NBAS: variants seen among roughly 807,000 people sequenced by gnomAD.
The protein encoded by NBAS is NBAS subunit of NRZ tethering complex.
NBAS carries 219 observed loss-of-function variants against 302.5 expected under a neutral mutation model. The observed-to-expected ratio is 0.72, with a 90% CI of 0.65 to 0.81. NBAS has a LOEUF of 0.81. NBAS is among the 30% of genes least tolerant of loss of function. The pLI is 0.00. For missense variants in NBAS, 2,932 were observed against 2,841.6 expected, an observed-to-expected ratio of 1.03 and a Z score of -0.72; for synonymous variants, 1,118 against 1,021.6, an observed-to-expected ratio of 1.09 and a Z score of -1.80.
the NBAS span, among the ~76,000 whole-genome samples, chr2:14,998,868 T>C: frequency 6.6e-6 from 1 of 152,194 alleles, no homozygotes; most frequent in Admixed American, 6.5e-5. Flanking sequence ...TGAGTTTCAT[T>C]TCCAATGAGC....
At chr2:15,497,277 T>C (rs1275105921) in intron 11 of NBAS, among the ~76,000 whole-genome samples, 2 of 152,218 alleles carry the variant, frequency 1.3e-5, no homozygotes, top group Non-Finnish European at 2.9e-5. Context: ...GCTTATCTGA[T>C]TTACATTTTT....
chr2:15,280,944 G>A lies in NBAS; in HGVS notation c.5139-3843C>T, dbSNP rs531116534. On this transcript the variant is annotated intron_variant, in intron 42 of 51. Coordinates refer to ENST00000281513, the MANE Select transcript of NBAS (RefSeq NM_015909.4). ...ATAATGCAGCCTGACAGCTGAATACGTGATTTCTCAAGGAAAACGTGGTCA... is the reference window on the plus strand; with the variant it reads ...ATAATGCAGCCTGACAGCTGAATACATGATTTCTCAAGGAAAACGTGGTCA... Among the ~76,000 whole-genome samples the A allele has an allele frequency of 3.9e-4, 59 of 152,276 alleles. 1 individual carries two copies. Among genetic ancestry groups the A allele is most frequent in the African/African-American group, 1.4e-3 (57 of 41,550 alleles).
At chr2:14,813,123 A>G in the NBAS span, among the ~76,000 whole-genome samples, 1 of 152,210 alleles carries the variant, frequency 6.6e-6, no homozygotes, top group African/African-American at 2.4e-5. Flanking sequence ...ACCTCTTCAT[A>G]AATTACCTAA....
chr2:14,838,622 T>C, the NBAS span, among the ~76,000 whole-genome samples: 1 of 152,022 alleles, frequency 6.6e-6, no homozygotes, highest in Non-Finnish European at 1.5e-5. Context: ...CTGTGATTTT[T>C]TATTGTATAC....
chr2:15,241,017 A>C (rs528446974), intron 44 of NBAS, among the ~76,000 whole-genome samples: 1 of 152,130 alleles, frequency 6.6e-6, no homozygotes, highest in South Asian at 2.1e-4. Flanking sequence ...AAGAGTAAAA[A>C]CTGGAATCCA....
the NBAS span, among the ~76,000 whole-genome samples, chr2:14,979,961 T>A: frequency 1.3e-5 from 2 of 152,138 alleles, no homozygotes; most frequent in Non-Finnish European, 2.9e-5. Flanking sequence ...CTTAAAATCC[T>A]GCTAAATGTG....
chr2:15,200,737 T>G (rs1323225983), intron 48 of NBAS, among the ~76,000 whole-genome samples: 1 of 152,226 alleles, frequency 6.6e-6, no homozygotes, highest in Non-Finnish European at 1.5e-5. Flanking sequence ...GTATGTCAAT[T>G]TGTCATATAG....
the NBAS span, among the ~76,000 whole-genome samples, chr2:14,818,757 G>T: frequency 3.2e-3 from 486 of 152,280 alleles, no homozygotes; most frequent in Non-Finnish European, 5.3e-3. Flanking sequence ...TCTTCAACTA[G>T]CAAGGCAAGC....
intron 26 of NBAS, among the ~76,000 whole-genome samples, chr2:15,400,378 A>C (rs1319777150): frequency 6.6e-6 from 1 of 152,196 alleles, no homozygotes; most frequent in East Asian, 1.9e-4. Flanking sequence ...TTGTATTAAA[A>C]GGAAAATAAA....
chr2:15,034,006 GAAGAAGAAGAAGAAGAA>G, the NBAS span, among the ~76,000 whole-genome samples: 3 of 46,550 alleles, frequency 6.4e-5, no homozygotes, highest in South Asian at 6.7e-4. Context: ...AGAAGAAGAA[GAAGAAGAAGAAGAAGAA>G]GAAGAGGAGG....
intron 50 of NBAS, among the ~76,000 whole-genome samples, chr2:15,186,372 C>T (rs755718204): frequency 6.6e-6 from 1 of 152,036 alleles, no homozygotes; most frequent in Non-Finnish European, 1.5e-5. Flanking sequence ...GGTTGGTTAT[C>T]TGCTGAGAAG....
rs544290019 is a variant in NBAS, at chr2:15,358,431, C to T, written c.3818-2015G>A. 1.1e-4 allele frequency among the ~76,000 whole-genome samples: 17 copies of T among 151,966 alleles called. 1 individual carries two copies. Among genetic ancestry groups the T allele is most frequent in the South Asian group, 1.0e-3 (5 of 4,798 alleles). The stretch of plus-strand genomic sequence containing the variant: ...GTGCGCACACATGTGTGCATGTGCG[C>T]GTGTGCCCGTGTGCATGTATTTATT... On this transcript the variant is annotated intron_variant, in intron 32 of 51. Coordinates refer to ENST00000281513, the MANE Select transcript of NBAS (RefSeq NM_015909.4).
In NBAS at chr2:15,211,761, G is replaced by A. The variant is rs191102211; in HGVS notation, c.6432+7012C>T. The stretch of plus-strand genomic sequence containing the variant: ...TGAACCTGGGAAAAGAGTACCCAGA[G>A]ATGGTGTTAGAGCAGACCTCATCCA... On this transcript the variant is annotated intron_variant, in intron 48 of 51. Coordinates refer to ENST00000281513, the MANE Select transcript of NBAS (RefSeq NM_015909.4). 2.0e-4 allele frequency among the ~76,000 whole-genome samples: 31 copies of A among 152,268 alleles called. No individual in the cohort carries two copies. In the East Asian group the frequency reaches 5.8e-3, roughly 29 times the overall value.
At chr2:14,926,214 A>G in the NBAS span, among the ~76,000 whole-genome samples, 54,429 of 152,006 alleles carry the variant, frequency 0.36, 9,951 homozygotes, top group African/African-American at 0.44. Context: ...GACCCATACT[A>G]CAATTACGGG....
At chr2:15,016,344 C>T in the NBAS span, among the ~76,000 whole-genome samples, 6 of 152,050 alleles carry the variant, frequency 3.9e-5, no homozygotes, top group Non-Finnish European at 7.4e-5. Context: ...TCCTACAACA[C>T]GTGGGAATTA....
chr2:15,452,793 T>C (rs1679084417), intron 21 of NBAS, among the ~76,000 whole-genome samples: 1 of 152,182 alleles, frequency 6.6e-6, no homozygotes, highest in African/African-American at 2.4e-5. Flanking sequence ...CCTTTCCAGA[T>C]TCGGTTTCAA....
intron 28 of NBAS, among the ~76,000 whole-genome samples, chr2:15,389,278 TCTTTC>T (rs1675472303): frequency 6.6e-6 from 1 of 152,244 alleles, no homozygotes; most frequent in South Asian, 2.1e-4. Flanking sequence ...GGCTCCCTTT[TCTTTC>T]CTTTATCAGT....
chr2:15,148,377 G>A, the NBAS span, among the ~76,000 whole-genome samples: 1 of 152,098 alleles, frequency 6.6e-6, no homozygotes, highest in Non-Finnish European at 1.5e-5. Flanking sequence ...TTAAGTTGAG[G>A]GGCAGGCAAT....
chr2:15,005,178 C>T, the NBAS span, among the ~76,000 whole-genome samples: 83 of 152,176 alleles, frequency 5.5e-4, no homozygotes, highest in African/African-American at 1.9e-3. Flanking sequence ...TTGTTAAATG[C>T]GCGCATGGGT....
Sources: gnomAD v4.1 joint callset for allele counts (sites outside exome capture counted in the v4.1 genomes callset) on GRCh38, gnomAD v4.1.1 for gene constraint, MANE v1.5 for transcripts, NCBI Gene and HGNC (gene_info 2026-07-23, HGNC 2026-07-21) for gene names.